Variants in CTBP1 observed in about 807,000 individuals in gnomAD.
CTBP1 encodes the protein C-terminal-binding protein 1.
Under a neutral mutation model 42.1 loss-of-function variants are expected in CTBP1, and 11 were observed. That is an observed-to-expected ratio of 0.26 (90% CI 0.16 to 0.43). The LOEUF is 0.43. Among genes scored for constraint, CTBP1 ranks in the 20% least tolerant of loss-of-function variants. The probability of loss-of-function intolerance (pLI) is 1.00; values close to 1 mark genes in which losing one functional copy is unlikely to be tolerated. For synonymous variants in CTBP1, 324 were observed against 277.1 expected, an observed-to-expected ratio of 1.17 and a Z score of -1.68; for missense variants, 399 against 624.3, an observed-to-expected ratio of 0.64 and a Z score of 3.85.
chr4:1,229,728 AG>A (rs983500255), intron 3 of CTBP1, among the ~76,000 whole-genome samples: 5 of 152,128 alleles, frequency 3.3e-5, no homozygotes, highest in African/African-American at 1.2e-4. Flanking sequence ...GGCAGCCCCC[AG>A]GAAGACGCTC....
intron 2 of CTBP1, among the ~76,000 whole-genome samples, chr4:1,239,472 C>T (rs552678268): frequency 2.5e-4 from 38 of 152,324 alleles, no homozygotes; most frequent in South Asian, 1.7e-3. Flanking sequence ...CCAGTGGCCG[C>T]GGCCACAAGC....
upstream of CTBP1, chr4:1,249,656 G>C (rs750886542): frequency 3.1e-4 from 134 of 426,252 alleles, no homozygotes; most frequent in Non-Finnish European, 5.8e-4. Context: ...TACCGTCCGA[G>C]AGCCGGCGGC....
chr4:1,248,971 G>A lies in CTBP1; in HGVS notation c.-244C>T. The A allele has an allele frequency of 1.0e-6, 1 of 997,808 alleles. No individual in the cohort carries two copies. 61.8% of individuals were successfully genotyped at this position (997,808 alleles called of 1,614,324 possible). A position where few individuals can be genotyped will look rare whatever the true frequency, so the allele number is the denominator to read the frequency against. On this transcript the variant is annotated 5_prime_UTR_variant, in exon 1 of 10. Coordinates refer to ENST00000382952, the MANE Select transcript of CTBP1 (RefSeq NM_001012614.2). ...AGCTGCCCATCGAGAGGCGCGAGCGGCCGCGGGCCCCGACCACTCCGGCGC... is the reference window on the plus strand; with the variant it reads ...AGCTGCCCATCGAGAGGCGCGAGCGACCGCGGGCCCCGACCACTCCGGCGC...
At chr4:1,229,074 C>T (rs1302198163) in intron 3 of CTBP1, among the ~76,000 whole-genome samples, 1 of 152,230 alleles carries the variant, frequency 6.6e-6, no homozygotes, top group African/African-American at 2.4e-5. Flanking sequence ...CACAGCAGCC[C>T]AACCCTGGCG....
chr4:1,243,541 C>T (rs1732406665), intron 1 of CTBP1: 1 of 985,408 alleles, frequency 1.0e-6, no homozygotes, highest in Non-Finnish European at 1.2e-6. Context: ...GTAGGTCTGC[C>T]CACCATCTGC....
At chr4:1,239,018 G>C (rs1460940308) in intron 2 of CTBP1, among the ~76,000 whole-genome samples, 1 of 152,176 alleles carries the variant, frequency 6.6e-6, no homozygotes. Flanking sequence ...CCCTCTGCCT[G>C]GCATTACTTC....
intron 3 of CTBP1, chr4:1,236,346 C>T: frequency 2.3e-6 from 1 of 440,258 alleles, no homozygotes; most frequent in Non-Finnish European, 4.1e-6. Context: ...GAAAGCTGCC[C>T]AAAGGCTGCT....
intron 2 of CTBP1, among the ~76,000 whole-genome samples, chr4:1,240,335 C>T (rs1370648134): frequency 3.2e-5 from 4 of 123,080 alleles, no homozygotes; most frequent in South Asian, 3.1e-4. Flanking sequence ...GGTCCCTCGT[C>T]GGAACCGCGT....
upstream of CTBP1, chr4:1,249,707 G>C (rs917379523): frequency 1.2e-5 from 5 of 404,310 alleles, no homozygotes; most frequent in Admixed American, 1.4e-4. Flanking sequence ...GCCCCAGTGC[G>C]TCCCCAGGCG....
Position 1,235,260 on chromosome 4 carries a change from GC to G in CTBP1, c.162+2922del, listed in dbSNP as rs1731371616. On this transcript the variant is annotated intron_variant, in intron 3 of 9. Coordinates refer to ENST00000382952, the MANE Select transcript of CTBP1 (RefSeq NM_001012614.2). The surrounding 1 kb of genome is among the most constrained non-coding windows in gnomAD (Gnocchi z 4.2). Reference sequence around the variant, plus strand: ...CGAGTCTCCGGGATAAAGGAGTGTGGCCACTGGGCTGCATTACAAGCACGCA... The same window carrying G: ...CGAGTCTCCGGGATAAAGGAGTGTGGCACTGGGCTGCATTACAAGCACGCA... The G allele has an allele frequency of 6.6e-6, 1 of 152,304 alleles. No homozygotes were observed. Among genetic ancestry groups the G allele is most frequent in the South Asian group, 2.1e-4 (1 of 4,824 alleles). 9.4% of individuals were successfully genotyped at this position (152,304 alleles called of 1,614,324 possible). A position where few individuals can be genotyped will look rare whatever the true frequency, so the allele number is the denominator to read the frequency against.
intron 1 of CTBP1, among the ~76,000 whole-genome samples, chr4:1,248,004 G>A (rs1732918969): frequency 1.3e-5 from 2 of 152,234 alleles, no homozygotes; most frequent in East Asian, 1.9e-4. Flanking sequence ...CTTGGAGGCC[G>A]CCAGAGAACG....
At chr4:1,214,231 G>A in intron 7 of CTBP1, 112 bp downstream of exon 7, 1 of 1,318,228 alleles carries the variant, frequency 7.6e-7, no homozygotes, top group Non-Finnish European at 9.9e-7. Flanking sequence ...TGGCCAGCGA[G>A]AGGCCTGAGT....
chr4:1,229,935 A>AT (rs1211463530), intron 3 of CTBP1, among the ~76,000 whole-genome samples: 1 of 152,158 alleles, frequency 6.6e-6, no homozygotes, highest in East Asian at 1.9e-4. Flanking sequence ...GCCCTGGGCT[A>AT]GCCTGGGCAT....
At chr4:1,240,127 G>C (rs901716580) in intron 2 of CTBP1, among the ~76,000 whole-genome samples, 9 of 152,072 alleles carry the variant, frequency 5.9e-5, no homozygotes, top group Non-Finnish European at 1.0e-4. Context: ...AACCGCCTGG[G>C]GGGACTCCTG....
Position 1,213,459 on chromosome 4 carries a change from G to A in CTBP1, c.988+19C>T, listed in dbSNP as rs368766407. On this transcript the variant is annotated intron_variant, in intron 8 of 9. Transcript: ENST00000382952. ...CAGGAAGGGACCCCCAGGCCTGACC[G>A]AGCGGCCCCCACGCCCACCTGTGAT... is the stretch of plus-strand genomic sequence containing the variant. The A allele has an allele frequency of 2.9e-4, 471 of 1,607,368 alleles. No individual in the cohort carries two copies. The highest frequency in any genetic ancestry group is 1.4e-3 in the Admixed American group (85 of 59,990).
intron 3 of CTBP1, among the ~76,000 whole-genome samples, chr4:1,231,525 C>T (rs1730967445): frequency 6.6e-6 from 1 of 152,228 alleles, no homozygotes; most frequent in Admixed American, 6.5e-5. Flanking sequence ...CCCCAGGACG[C>T]TCCTGGTGGC....
intron 3 of CTBP1, chr4:1,236,863 A>T: frequency 1.6e-6 from 1 of 640,296 alleles, no homozygotes; most frequent in Non-Finnish European, 2.8e-6. Flanking sequence ...CCACCTCCTG[A>T]TGGGGCTCAG....
chr4:1,247,771 G>GA (rs1553852062), intron 1 of CTBP1, among the ~76,000 whole-genome samples: 1 of 146,546 alleles, frequency 6.8e-6, no homozygotes, highest in Non-Finnish European at 1.5e-5. Context: ...CCGGGGAGGG[G>GA]GGGGGGGCTC....
chr4:1,242,869 G>T, intron 1 of CTBP1: 3 of 985,370 alleles, frequency 3.0e-6, no homozygotes. Context: ...CTGGCCAGGG[G>T]GCAAGGCACC....
Sources: gnomAD v4.1 joint callset for allele counts (sites outside exome capture counted in the v4.1 genomes callset) on GRCh38, gnomAD v4.1.1 for gene constraint, Gnocchi (gnomAD v3.1) non-coding constraint, MANE v1.5 for transcripts, NCBI Gene and HGNC (gene_info 2026-07-23, HGNC 2026-07-21) for gene names.